Variants in CPO observed in about 807,000 individuals in gnomAD.
The protein encoded by CPO is carboxypeptidase O, also known as metallocarboxypeptidase C.
A neutral mutation model predicts 41.2 loss-of-function variants in CPO; 43 were observed. The observed-to-expected ratio is 1.04, with a 90% confidence interval of 0.82 to 1.35. CPO has a LOEUF of 1.35. Among genes scored for constraint, CPO ranks in the 40% most tolerant of loss-of-function variants. The probability of loss-of-function intolerance (pLI) is 0.00; values close to 1 mark genes in which losing one functional copy is unlikely to be tolerated. For synonymous variants in CPO, 178 were observed against 162.7 expected (o/e 1.09, Z -0.72); for missense variants, 408 against 451.7 (o/e 0.90, Z 0.88).
intron 1 of CPO, among the ~76,000 whole-genome samples, chr2:206,943,916 A>G (rs1693093245): frequency 1.3e-5 from 2 of 152,076 alleles, no homozygotes; most frequent in Admixed American, 1.3e-4. Context: ...TCCTGACCTT[A>G]AAACAGTTTG....
At chr2:206,958,162 A>G (rs544507125) in intron 3 of CPO, 139 bp from the exon 4 acceptor site, 2 of 559,454 alleles carry the variant, frequency 3.6e-6, no homozygotes, top group East Asian at 2.9e-5. Flanking sequence ...GTGTCTCATT[A>G]GCATCCTTGC....
chr2:206,953,176 A>C (rs1049105246), intron 2 of CPO, among the ~76,000 whole-genome samples: 2 of 152,188 alleles, frequency 1.3e-5, no homozygotes, highest in African/African-American at 4.8e-5. Flanking sequence ...AAAACTAATC[A>C]TGCCTTCCCA....
intron 1 of CPO, among the ~76,000 whole-genome samples, chr2:206,943,740 A>AGATAGATAGATAGATAATGGATAGAT (rs1693084230): frequency 8.2e-6 from 1 of 122,306 alleles, no homozygotes; most frequent in Non-Finnish European, 1.7e-5. Context: ...ATAGATAGAT[A>AGATAGATAGATAGATAATGGATAGAT]GATAGATAGA....
chr2:206,945,164 A>T (rs905192205), intron 1 of CPO, among the ~76,000 whole-genome samples: 2 of 152,150 alleles, frequency 1.3e-5, no homozygotes, highest in African/African-American at 2.4e-5. Context: ...AGAAATGAAG[A>T]CTTAGAGAAA....
chr2:206,945,435 T>G (rs1348740717), intron 1 of CPO, among the ~76,000 whole-genome samples: 1 of 150,344 alleles, frequency 6.7e-6, no homozygotes, highest in Non-Finnish European at 1.5e-5. Context: ...TAACCCCATT[T>G]CTTGCTTACA....
intron 2 of CPO, among the ~76,000 whole-genome samples, chr2:206,949,964 G>A (rs766275934): frequency 2.0e-5 from 3 of 152,250 alleles, no homozygotes; most frequent in African/African-American, 4.8e-5. Context: ...ACATCCCAAC[G>A]AGCCAGTTTT....
At chr2:206,968,239 T>A in intron 7 of CPO, 24 bp from the exon 8 acceptor site, 1 of 1,471,882 alleles carries the variant, frequency 6.8e-7, no homozygotes, top group Non-Finnish European at 9.5e-7. Flanking sequence ...ACCAGATATC[T>A]GTCTCTGCAT....
Position 206,959,664 on chromosome 2 carries a change from C to T in CPO, c.406C>T (p.Arg136Cys), listed in dbSNP as rs762958017. The change falls in exon 5 of 9, where the codon CGC (arginine) becomes TGC (cysteine). Residue 136 changes from arginine (R) to cysteine (C), a missense_variant. Physicochemically the swap from Arg to Cys is radical, Grantham distance 180 (BLOSUM62 -3). Coordinates refer to ENST00000272852, the MANE Select transcript of CPO (RefSeq NM_173077.3). ...LQNHKDNSSI[R>C]KLLRNLDFYV... ...AAACCATAAAGACAACTCAAGTATACGCAAGCTCCTTAGGAACCTGGACTT... is the reference window on the plus strand; with the variant it reads ...AAACCATAAAGACAACTCAAGTATATGCAAGCTCCTTAGGAACCTGGACTT... 12 of 1,552,984 alleles carry T rather than the reference C, an allele frequency of 7.7e-6. No homozygotes were observed. The highest frequency in any genetic ancestry group is 5.6e-5 in the South Asian group (5 of 89,900).
At chr2:206,951,984 T>C (rs1034096546) in intron 2 of CPO, among the ~76,000 whole-genome samples, 2 of 152,224 alleles carry the variant, frequency 1.3e-5, no homozygotes, top group Non-Finnish European at 2.9e-5. Context: ...GTGAATAGAC[T>C]GAAATGAAAA....
intron 1 of CPO, among the ~76,000 whole-genome samples, chr2:206,946,647 A>G (rs1321337473): frequency 6.6e-6 from 1 of 152,150 alleles, no homozygotes; most frequent in East Asian, 1.9e-4. Flanking sequence ...AAGTATACAG[A>G]TTGGGAAGAA....
chr2:206,949,860 C>T, intron 2 of CPO, 147 bp downstream of exon 2: 1 of 466,916 alleles, frequency 2.1e-6, no homozygotes, highest in Admixed American at 3.7e-5. Flanking sequence ...CAAGGGATTC[C>T]TGAACATCTC....
chr2:206,960,807 T>G (rs779053847), intron 5 of CPO, 45 bp from the exon 6 acceptor site: 1 of 1,360,862 alleles, frequency 7.3e-7, no homozygotes, highest in Non-Finnish European at 1.1e-6. Context: ...CACTGTGATT[T>G]ATGAAACCTT....
chr2:206,942,305 A>G (rs911522705), intron 1 of CPO, among the ~76,000 whole-genome samples: 2 of 152,136 alleles, frequency 1.3e-5, no homozygotes, highest in Admixed American at 6.6e-5. Flanking sequence ...CCAAAATATC[A>G]GTAGCAGTTA....
chr2:206,960,564 G>A lies in CPO; in HGVS notation c.484-288G>A, dbSNP rs143263436. ...AACGTTCCCTGAGTAAGCAGATCAC[G>A]TCCACAGGCACTGCTAATCTGCTCA... On this transcript the variant is annotated intron_variant, in intron 5 of 8. Coordinates refer to ENST00000272852, the MANE Select transcript of CPO (RefSeq NM_173077.3). 1.8e-4 allele frequency among the ~76,000 whole-genome samples: 27 copies of A among 152,266 alleles called. No individual in the cohort carries two copies. In the East Asian group the frequency reaches 2.5e-3, roughly 14 times the overall value.
intron 1 of CPO, among the ~76,000 whole-genome samples, chr2:206,944,731 CAATT>C (rs1170919665): frequency 2.0e-5 from 3 of 151,694 alleles, no homozygotes; most frequent in Admixed American, 6.6e-5. Flanking sequence ...ATATTACTAA[CAATT>C]AATAATAATA....
intron 7 of CPO, among the ~76,000 whole-genome samples, chr2:206,966,460 C>T (rs1693578295): frequency 6.6e-6 from 1 of 152,116 alleles, no homozygotes; most frequent in South Asian, 2.1e-4. Flanking sequence ...ATGCTTTTCC[C>T]AGGCCCCTTC....
chr2:206,951,205 A>C (rs1349266115), intron 2 of CPO, among the ~76,000 whole-genome samples: 1 of 152,222 alleles, frequency 6.6e-6, no homozygotes. Flanking sequence ...GTAAAACTGG[A>C]AAGGTCAGAA....
intron 2 of CPO, among the ~76,000 whole-genome samples, chr2:206,953,301 A>ATGCCT (rs1413751141): frequency 1.3e-5 from 2 of 152,200 alleles, no homozygotes; most frequent in African/African-American, 2.4e-5. Context: ...ATCAAAAGCA[A>ATGCCT]GTTAGTTACT....
At chr2:206,946,326 G>A (rs568410796) in intron 1 of CPO, among the ~76,000 whole-genome samples, 8 of 152,238 alleles carry the variant, frequency 5.3e-5, no homozygotes, top group Admixed American at 1.3e-4. Flanking sequence ...CTGGTTCAAC[G>A]TTCAAAAATC....
Sources: allele counts gnomAD v4.1 joint callset (sites outside exome capture counted in the v4.1 genomes callset), GRCh38; gene constraint gnomAD v4.1.1; transcripts MANE v1.5; gene names NCBI Gene and HGNC (gene_info 2026-07-23, HGNC 2026-07-21).